Variants in UBR1 observed in about 807,000 individuals in gnomAD.
UBR1 encodes the protein E3 ubiquitin-protein ligase UBR1.
Under a neutral mutation model 242.1 loss-of-function variants are expected in UBR1, and 102 were observed. That is an observed-to-expected ratio of 0.42 (90% CI 0.36 to 0.50). The LOEUF (loss-of-function observed/expected upper bound fraction) is 0.50. Ranked by LOEUF, UBR1 falls within the 20% of genes least tolerant of loss-of-function variation. The pLI is 0.01. For missense variants in UBR1, 1,772 were observed against 2,101.8 expected (o/e 0.84, Z 3.07); for synonymous variants, 675 against 684.8 (o/e 0.99, Z 0.22).
At chr15:43,049,906 G>T (rs940661041) in intron 12 of UBR1, among the ~76,000 whole-genome samples, 3 of 152,006 alleles carry the variant, frequency 2.0e-5, no homozygotes, top group African/African-American at 4.8e-5. Flanking sequence ...TCTTTAAAGA[G>T]GCAACATGTT....
intron 5 of UBR1, among the ~76,000 whole-genome samples, chr15:43,070,545 A>C (rs1354916091): frequency 6.6e-6 from 1 of 152,188 alleles, no homozygotes; most frequent in African/African-American, 2.4e-5. Context: ...ACAGGACCCC[A>C]AAAATGTTGA....
chr15:42,945,444 C>A lies in UBR1; in HGVS notation c.5135G>T (p.Arg1712Leu). ...CAAATGGAGCTTCCGATACCGCTCA[C>A]GAGATAAATGAAGGGGGTTGCCCCT... is the stretch of plus-strand genomic sequence containing the variant. ...LKRGNPLHLS[R>L]ERYRKLHLVW... Residue 1712 changes from arginine (R) to leucine (L), a missense_variant, in exon 47 of 47, where the codon CGT becomes CTT. Around this residue, in one of 3 missense-constraint regions of UBR1, gnomAD observed 965 missense variants for 1,079.7 expected, o/e 0.89. Transcript: ENST00000290650. 1 of 1,613,886 alleles carries A rather than the reference C, an allele frequency of 6.2e-7. No individual in the cohort carries two copies. Among genetic ancestry groups the A allele is most frequent in the Non-Finnish European group, 8.5e-7 (1 of 1,179,996 alleles).
rs560912571 is a variant in UBR1 at position 43,095,248 on chromosome 15, T to C, written c.82-9008A>G. Among the ~76,000 whole-genome samples, 37 of 152,296 alleles carry C rather than the reference T, an allele frequency of 2.4e-4. 1 individual carries two copies. The highest frequency in any genetic ancestry group is 8.7e-4 in the African/African-American group (36 of 41,552). The stretch of plus-strand genomic sequence containing the variant: ...TGGCTTACCCATAAATACCAAAACT[T>C]CAAAGGCATTTTAAAAGGTGGTCCA... On this transcript the variant is annotated intron_variant, in intron 1 of 46. Transcript: ENST00000290650.
chr15:43,002,837 C>T, intron 31 of UBR1, 133 bp from the exon 32 acceptor site: 2 of 1,039,470 alleles, frequency 1.9e-6, no homozygotes, highest in African/African-American at 1.6e-5. Flanking sequence ...AACATACATG[C>T]AAAAACACAC....
At chr15:43,014,756 C>T (rs1440314513) in intron 29 of UBR1, among the ~76,000 whole-genome samples, 10 of 116,068 alleles carry the variant, frequency 8.6e-5, no homozygotes, top group East Asian at 6.7e-4. Context: ...GGACCGTCTC[C>T]GCCCGGCAGC....
intron 10 of UBR1, among the ~76,000 whole-genome samples, chr15:43,056,804 T>TATTGGGC (rs529007490): frequency 6.3e-4 from 96 of 152,234 alleles, no homozygotes; most frequent in African/African-American, 2.2e-3. Context: ...ACTCTAATGG[T>TATTGGGC]ATTGGGCAGG....
At chr15:43,060,563 G>A (rs1410869026) in intron 6 of UBR1, among the ~76,000 whole-genome samples, 1 of 152,046 alleles carries the variant, frequency 6.6e-6, no homozygotes, top group African/African-American at 2.4e-5. Flanking sequence ...TCCTGGAGGC[G>A]GTCATGCAAG....
chr15:43,079,707 G>A (rs773062218), intron 3 of UBR1, among the ~76,000 whole-genome samples: 23 of 152,142 alleles, frequency 1.5e-4, no homozygotes, highest in African/African-American at 5.1e-4. Flanking sequence ...GAGTGAACCC[G>A]GGAGACAGAG....
intron 4 of UBR1, 75 bp from the exon 5 acceptor site, chr15:43,071,000 T>G: frequency 6.4e-7 from 1 of 1,561,640 alleles, no homozygotes; most frequent in South Asian, 1.1e-5. Context: ...AATGTTAAGT[T>G]AAAATAATCA....
At chr15:43,102,033 G>A (rs372924990) in intron 1 of UBR1, among the ~76,000 whole-genome samples, 3 of 148,994 alleles carry the variant, frequency 2.0e-5, no homozygotes, top group East Asian at 2.0e-4. Context: ...CCAGCTACTC[G>A]GGAGGCTGAG....
intron 1 of UBR1, among the ~76,000 whole-genome samples, chr15:43,103,013 C>T (rs1472837351): frequency 6.6e-6 from 1 of 152,094 alleles, no homozygotes; most frequent in East Asian, 1.9e-4. Flanking sequence ...ACTAAAAATA[C>T]AAAAATCAGC....
intron 6 of UBR1, among the ~76,000 whole-genome samples, chr15:43,062,608 A>T (rs1003554835): frequency 6.6e-6 from 1 of 152,308 alleles, no homozygotes. Context: ...CACCATTAAA[A>T]ATGTTATTGA....
intron 1 of UBR1, among the ~76,000 whole-genome samples, chr15:43,087,992 G>A (rs935726399): frequency 6.6e-6 from 1 of 152,160 alleles, no homozygotes; most frequent in Admixed American, 6.5e-5. Flanking sequence ...GTTTATATTT[G>A]AATACAAAAA....
At chr15:42,960,130 G>A (rs923583097) in intron 43 of UBR1, among the ~76,000 whole-genome samples, 1 of 152,130 alleles carries the variant, frequency 6.6e-6, no homozygotes. Flanking sequence ...TCATGGAGGA[G>A]GTGGCATTTA....
At chr15:43,073,355 C>A (rs755128482) in intron 4 of UBR1, among the ~76,000 whole-genome samples, 23 of 152,024 alleles carry the variant, frequency 1.5e-4, no homozygotes, top group Non-Finnish European at 2.9e-4. Context: ...CCTCATCAAC[C>A]TAAGTCTTAA....
rs536440009 is a variant in UBR1, at chr15:43,014,896, G to A, written c.3209+792C>T. On this transcript the variant is annotated intron_variant, in intron 29 of 46. Coordinates refer to ENST00000290650, the MANE Select transcript of UBR1 (RefSeq NM_174916.3). Reference sequence around the variant, plus strand: ...AGAGGGAGGTGGGGGGTCAGCCCCCGCCCGGCCAGCCACCCCGTCCGGGAG... The same window carrying A: ...AGAGGGAGGTGGGGGGTCAGCCCCCACCCGGCCAGCCACCCCGTCCGGGAG... Among the ~76,000 whole-genome samples the A allele has an allele frequency of 8.5e-3, 1,247 of 147,200 alleles. 10 individuals carry two copies. The highest frequency in any genetic ancestry group is 0.03 in the African/African-American group (1,180 of 39,024).
At chr15:43,049,658 T>C (rs1474780450) in intron 12 of UBR1, among the ~76,000 whole-genome samples, 1 of 152,226 alleles carries the variant, frequency 6.6e-6, no homozygotes, top group Non-Finnish European at 1.5e-5. Flanking sequence ...TCTCACTCTT[T>C]AGATACCCAT....
At chr15:42,978,682 T>C (rs75658696) in intron 37 of UBR1, among the ~76,000 whole-genome samples, 8,487 of 152,078 alleles carry the variant, frequency 0.056, 623 homozygotes, top group African/African-American at 0.17. Flanking sequence ...TTTTTAAAAA[T>C]GAGGGAGAAG....
rs573405874 is a variant in UBR1 at position 42,945,123 on chromosome 15, T to C, written c.*206A>G. On this transcript the variant is annotated 3_prime_UTR_variant, in exon 47 of 47. Transcript: ENST00000290650. ...GGAAATACTAGCACATAAAACAGAT[T>C]GATCTATGTCCTTTTTTCCTGTGAA... 4 of 625,430 alleles carry C rather than the reference T, an allele frequency of 6.4e-6. No homozygotes were observed. Among genetic ancestry groups the C allele is most frequent in the African/African-American group, 5.5e-5 (3 of 54,410 alleles). 38.7% of individuals were successfully genotyped at this position (625,430 alleles called of 1,614,324 possible).
Sources: gnomAD v4.1 joint callset for allele counts (sites outside exome capture counted in the v4.1 genomes callset) on GRCh38, gnomAD v4.1.1 for gene constraint, gnomAD v4.1.1 regional missense constraint, MANE v1.5 for transcripts, NCBI Gene and HGNC (gene_info 2026-07-23, HGNC 2026-07-21) for gene names.